PEX14: variants seen among roughly 807,000 people sequenced by gnomAD.
PEX14 encodes peroxisomal biogenesis factor 14.
A neutral mutation model predicts 49.5 loss-of-function variants in PEX14; 15 were observed. The ratio of observed to expected loss-of-function variants is 0.30; its 90% CI spans 0.20 to 0.47. PEX14 has a LOEUF of 0.47. Ranked by LOEUF, PEX14 falls within the 20% of genes least tolerant of loss-of-function variation. PEX14 has a pLI of 1.00. For missense variants in PEX14, 398 were observed against 494.8 expected (o/e 0.80, Z 1.86); for synonymous variants, 210 against 212.7 (o/e 0.99, Z 0.11).
chr1:10,545,912 G>T (rs1639157300), intron 3 of PEX14, among the ~76,000 whole-genome samples: 1 of 152,174 alleles, frequency 6.6e-6, no homozygotes, highest in Admixed American at 6.5e-5. Flanking sequence ...GGGCGTGGTG[G>T]CGCATGCCTG....
At chr1:10,612,626 C>G (rs1641305237) in intron 4 of PEX14, among the ~76,000 whole-genome samples, 1 of 152,222 alleles carries the variant, frequency 6.6e-6, no homozygotes, top group South Asian at 2.1e-4. Flanking sequence ...CTGCCCACTG[C>G]CAGCCATCCA....
At chr1:10,584,634 G>C (rs529329876) in intron 3 of PEX14, among the ~76,000 whole-genome samples, 6 of 152,198 alleles carry the variant, frequency 3.9e-5, no homozygotes, top group Admixed American at 2.6e-4. Context: ...AAAGATATAT[G>C]AGAATTCTTT....
chr1:10,619,557 C>T (rs2478010), intron 5 of PEX14, among the ~76,000 whole-genome samples: 4,720 of 151,868 alleles, frequency 0.031, 184 homozygotes, highest in African/African-American at 0.09. Flanking sequence ...TCAGGTGATC[C>T]GCCCACCTCG....
chr1:10,614,873 A>C (rs1193085012), intron 4 of PEX14, among the ~76,000 whole-genome samples: 1 of 152,128 alleles, frequency 6.6e-6, no homozygotes, highest in Admixed American at 6.5e-5. Flanking sequence ...CTTGCACTAG[A>C]TGTCAGGTTT....
At chr1:10,530,666 C>G (rs1478184422) in intron 2 of PEX14, among the ~76,000 whole-genome samples, 1 of 152,222 alleles carries the variant, frequency 6.6e-6, no homozygotes, top group African/African-American at 2.4e-5. Flanking sequence ...TAACTTTCCC[C>G]TCTTACCTGG....
At chr1:10,500,329 G>T (rs1396860776) in intron 2 of PEX14, among the ~76,000 whole-genome samples, 1 of 130,580 alleles carries the variant, frequency 7.7e-6, no homozygotes, top group Non-Finnish European at 1.5e-5. Context: ...AACCGAGATC[G>T]CGCTACTGCC....
intron 3 of PEX14, among the ~76,000 whole-genome samples, chr1:10,541,603 C>G (rs1639015415): frequency 6.6e-6 from 1 of 152,244 alleles, no homozygotes; most frequent in Admixed American, 6.5e-5. Context: ...CTCCATCCAT[C>G]TGTTGTGAAC....
At chr1:10,558,149 G>A (rs984372519) in intron 3 of PEX14, among the ~76,000 whole-genome samples, 1 of 151,916 alleles carries the variant, frequency 6.6e-6, no homozygotes, top group South Asian at 2.1e-4. Context: ...AGTATTCGTT[G>A]TACTCTTTTG....
chr1:10,480,588 GT>G (rs1186579003), intron 1 of PEX14, among the ~76,000 whole-genome samples: 1 of 151,836 alleles, frequency 6.6e-6, no homozygotes, highest in Non-Finnish European at 1.5e-5. Flanking sequence ...TAGAGATGGG[GT>G]TTTGCCATGT....
chr1:10,583,323 A>G (rs915194911), intron 3 of PEX14, among the ~76,000 whole-genome samples: 11 of 150,300 alleles, frequency 7.3e-5, no homozygotes, highest in Non-Finnish European at 1.5e-4. Flanking sequence ...GGGCTCAAGC[A>G]GTCCTCCTGC....
intron 4 of PEX14, among the ~76,000 whole-genome samples, chr1:10,610,158 G>A (rs1033370840): frequency 2.0e-5 from 3 of 148,320 alleles, no homozygotes; most frequent in Non-Finnish European, 3.0e-5. Flanking sequence ...AACTGTTTAT[G>A]TCTATATCAT....
intron 7 of PEX14, among the ~76,000 whole-genome samples, chr1:10,625,772 A>G (rs1641727391): frequency 1.3e-5 from 2 of 152,242 alleles, no homozygotes; most frequent in African/African-American, 4.8e-5. Context: ...AACTGTTTTC[A>G]GGCCTTACGC....
intron 2 of PEX14, among the ~76,000 whole-genome samples, chr1:10,519,602 G>A (rs1039624413): frequency 2.6e-5 from 4 of 152,146 alleles, no homozygotes; most frequent in African/African-American, 9.7e-5. Context: ...AGACTGTGCT[G>A]GACTTGCAAA....
chr1:10,563,517 C>A (rs1639712740), intron 3 of PEX14, among the ~76,000 whole-genome samples: 1 of 152,090 alleles, frequency 6.6e-6, no homozygotes, highest in South Asian at 2.1e-4. Flanking sequence ...GTCAGCTACT[C>A]CGGAGGCGGA....
At chr1:10,572,680 GC>G (rs35066108) in intron 3 of PEX14, among the ~76,000 whole-genome samples, 93,200 of 151,312 alleles carry the variant, frequency 0.62, 29,968 homozygotes, top group Admixed American at 0.7. Flanking sequence ...GACTATAGGC[GC>G]CCCCCCCACC....
At chr1:10,516,025 A>G (rs1439955354) in intron 2 of PEX14, among the ~76,000 whole-genome samples, 1 of 152,162 alleles carries the variant, frequency 6.6e-6, no homozygotes, top group Non-Finnish European at 1.5e-5. Context: ...TGAGGGTTTA[A>G]CCATTGGGTA....
intron 2 of PEX14, among the ~76,000 whole-genome samples, chr1:10,510,234 G>A (rs1450875453): frequency 6.6e-6 from 1 of 152,208 alleles, no homozygotes; most frequent in Non-Finnish European, 1.5e-5. Context: ...GTCTTTCTTA[G>A]TTCATGCCTC....
At chr1:10,526,112 G>T (rs893253708) in intron 2 of PEX14, among the ~76,000 whole-genome samples, 1 of 150,674 alleles carries the variant, frequency 6.6e-6, no homozygotes, top group Non-Finnish European at 1.5e-5. Context: ...TAGTAGAGAC[G>T]GGTTTCACCG....
At chr1:10,486,184 G>A (rs61776045) in intron 1 of PEX14, among the ~76,000 whole-genome samples, 7,090 of 152,104 alleles carry the variant, frequency 0.047, 413 homozygotes, top group African/African-American at 0.12. Flanking sequence ...TTATTGCACT[G>A]TCTAGGACTT....
Sources: gnomAD v4.1 joint callset for allele counts (sites outside exome capture counted in the v4.1 genomes callset) on GRCh38, gnomAD v4.1.1 for gene constraint, MANE v1.5 for transcripts, NCBI Gene and HGNC (gene_info 2026-07-23, HGNC 2026-07-21) for gene names.